The following PTPN1 variants were observed in gnomAD, a reference collection of about 807,000 sequenced individuals.
PTPN1 encodes tyrosine-protein phosphatase non-receptor type 1.
Under a neutral mutation model 59.9 loss-of-function variants are expected in PTPN1, and 12 were observed. That is an observed-to-expected ratio of 0.20 (90% CI 0.13 to 0.32). The LOEUF is 0.32. Among genes scored for constraint, PTPN1 ranks in the 10% least tolerant of loss-of-function variants. PTPN1 has a pLI of 1.00. For synonymous variants in PTPN1, 178 were observed against 203.6 expected (o/e 0.87, Z 1.07); for missense variants, 356 against 549.2 (o/e 0.65, Z 3.52).
chr20:50,535,334 C>G (rs1335294367), intron 1 of PTPN1, among the ~76,000 whole-genome samples: 1 of 152,088 alleles, frequency 6.6e-6, no homozygotes, highest in Non-Finnish European at 1.5e-5. Context: ...GCTCCACATT[C>G]TGTCTTTACT....
Position 50,579,858 on chromosome 20 carries a change from G to A in PTPN1, c.1020G>A (p.Glu340=). 1.2e-6 allele frequency: 2 copies of A among 1,614,174 alleles called. No homozygotes were observed. Among genetic ancestry groups the A allele is most frequent in the Admixed American group, 1.7e-5 (1 of 60,022 alleles). The change falls in exon 8 of 10, where the codon GAG becomes GAA. Residue 340 remains glutamate (E), a synonymous_variant. Coordinates refer to ENST00000371621, the MANE Select transcript of PTPN1 (RefSeq NM_002827.4). ...NHQWVKEETQ[E]DKDCPIKEEK... ...AGTGGGTGAAGGAAGAGACCCAGGA[G>A]GATAAAGACTGCCCCATCAAGGAAG...
Position 50,558,533 on chromosome 20 carries a change from G to T in PTPN1, c.64-2830G>T, listed in dbSNP as rs76543422. Among the ~76,000 whole-genome samples the T allele has an allele frequency of 9.3e-3, 1,412 of 152,108 alleles. 26 individuals carry two copies. Among genetic ancestry groups the T allele is most frequent in the African/African-American group, 0.032 (1,311 of 41,492 alleles). ...CAGGGTTACTGTATTGGACAGAGTG[G>T]TTTCAGTTTCAAGTTTTTCCTTGGA... On this transcript the variant is annotated intron_variant, in intron 1 of 9. Coordinates refer to ENST00000371621, the MANE Select transcript of PTPN1 (RefSeq NM_002827.4).
At chr20:50,518,776 C>T (rs1005675474) in intron 1 of PTPN1, among the ~76,000 whole-genome samples, 1 of 152,104 alleles carries the variant, frequency 6.6e-6, no homozygotes, top group African/African-American at 2.4e-5. Context: ...GGATCATGCT[C>T]CGAGGTGGGG....
chr20:50,534,055 T>C (rs542404097), intron 1 of PTPN1, among the ~76,000 whole-genome samples: 2 of 152,256 alleles, frequency 1.3e-5, no homozygotes, highest in South Asian at 4.1e-4. Context: ...CTCAGCCTCC[T>C]GAGTAGCTGG....
At chr20:50,580,455 C>G (rs1198488376) in intron 8 of PTPN1, among the ~76,000 whole-genome samples, 1 of 152,180 alleles carries the variant, frequency 6.6e-6, no homozygotes, top group Non-Finnish European at 1.5e-5. Flanking sequence ...TCTAGACCAT[C>G]TTGCTGGGAA....
At position 50,582,637 on chromosome 20, in the gene PTPN1, G is replaced by A. The variant is rs935188336; in HGVS notation, c.1285-55G>A. ...GTGTGGCCGGGGTCATGCATGAGGCGACAGCTCTGCAGGTGCGGGTCTGGG... is the reference window on the plus strand; with the variant it reads ...GTGTGGCCGGGGTCATGCATGAGGCAACAGCTCTGCAGGTGCGGGTCTGGG... On this transcript the variant is annotated intron_variant, in intron 9 of 9. Coordinates refer to ENST00000371621, the MANE Select transcript of PTPN1 (RefSeq NM_002827.4). This position sits in a 1 kb window ranked among gnomAD's most constrained non-coding sequence, Gnocchi z 4.2. The A allele has an allele frequency of 1.2e-5, 20 of 1,600,392 alleles. No individual in the cohort carries two copies. Among genetic ancestry groups the A allele is most frequent in the East Asian group, 1.1e-4 (5 of 44,664 alleles).
Position 50,510,664 on chromosome 20 carries a change from C to G in PTPN1, c.63+74C>G. Reference sequence around the variant, plus strand: ...AACATCCCCTCAGACCTCCAGGCCCCAGACTCCCTCTGGGTCTTGCCCTCT... The same window carrying G: ...AACATCCCCTCAGACCTCCAGGCCCGAGACTCCCTCTGGGTCTTGCCCTCT... On this transcript the variant is annotated intron_variant, in intron 1 of 9. Transcript: ENST00000371621. The G allele has an allele frequency of 3.4e-6, 5 of 1,468,130 alleles. No homozygotes were observed. The South Asian group carries it at 6.2e-5, about 18-fold the overall frequency. 90.9% of individuals were successfully genotyped at this position (1,468,130 alleles called of 1,614,324 possible).
rs776089570 is a variant in PTPN1, at chr20:50,579,934, G to T, written c.1088+8G>T. ...ACCCTACGGCATCGAAAGGTAATATGATTGGGTCCCAGCTTGTTGGGGTGA... is the reference window on the plus strand; with the variant it reads ...ACCCTACGGCATCGAAAGGTAATATTATTGGGTCCCAGCTTGTTGGGGTGA... On this transcript the variant is annotated splice_region_variant and intron_variant, in intron 8 of 9. Coordinates refer to ENST00000371621, the MANE Select transcript of PTPN1 (RefSeq NM_002827.4). The T allele has an allele frequency of 4.3e-6, 7 of 1,611,128 alleles. No individual in the cohort carries two copies. In the South Asian group the frequency reaches 7.7e-5, roughly 18 times the overall value.
chr20:50,535,882 C>G (rs1004953814), intron 1 of PTPN1, among the ~76,000 whole-genome samples: 1 of 152,052 alleles, frequency 6.6e-6, no homozygotes, highest in African/African-American at 2.4e-5. Context: ...CCCCCACCCC[C>G]AAATAGAGAG....
intron 1 of PTPN1, among the ~76,000 whole-genome samples, chr20:50,548,820 C>T (rs140780535): frequency 1.1e-4 from 17 of 152,284 alleles, no homozygotes; most frequent in African/African-American, 2.2e-4. Context: ...TGGGTTCATG[C>T]GATTCTCTTG....
In PTPN1 at chr20:50,583,984, T is replaced by A. The variant is rs938018868; in HGVS notation, c.*1269T>A. ...TGAAACAGCCTGGGTGACGGTCCTT[T>A]AGGCAGCCTGCCGCCGTCTCTGTCC... is the stretch of plus-strand genomic sequence containing the variant. On this transcript the variant is annotated 3_prime_UTR_variant, in exon 10 of 10. Coordinates refer to ENST00000371621, the MANE Select transcript of PTPN1 (RefSeq NM_002827.4). 1 of 152,586 alleles carries A rather than the reference T, an allele frequency of 6.6e-6. No homozygotes were observed. The highest frequency in any genetic ancestry group is 2.4e-5 in the African/African-American group (1 of 41,438). The allele number at this position is 152,586 out of a possible 1,614,324, so 9.5% of individuals were successfully genotyped here. A position where few individuals can be genotyped will look rare whatever the true frequency, so the allele number is the denominator to read the frequency against.
chr20:50,555,710 C>G (rs76045889), intron 1 of PTPN1, among the ~76,000 whole-genome samples: 4 of 151,594 alleles, frequency 2.6e-5, no homozygotes, highest in African/African-American at 9.7e-5. Flanking sequence ...CCACGTTTTG[C>G]TTCTTACCTC....
chr20:50,514,229 C>T (rs149314485), intron 1 of PTPN1, among the ~76,000 whole-genome samples: 40 of 152,264 alleles, frequency 2.6e-4, no homozygotes, highest in African/African-American at 7.5e-4. Flanking sequence ...ATGGTAATGC[C>T]GCTGTTTCTT....
At chr20:50,534,882 T>C (rs1474798285) in intron 1 of PTPN1, among the ~76,000 whole-genome samples, 2 of 152,106 alleles carry the variant, frequency 1.3e-5, no homozygotes, top group African/African-American at 4.8e-5. Context: ...CTTGCTACCA[T>C]GCCCAGCTAA....
chr20:50,542,149 G>A (rs1370925612), intron 1 of PTPN1, among the ~76,000 whole-genome samples: 1 of 152,214 alleles, frequency 6.6e-6, no homozygotes, highest in African/African-American at 2.4e-5. Flanking sequence ...TCACTCTGAA[G>A]GTGATCCTTA....
At chr20:50,537,766 G>A (rs1169187932) in intron 1 of PTPN1, among the ~76,000 whole-genome samples, 2 of 152,178 alleles carry the variant, frequency 1.3e-5, no homozygotes, top group Admixed American at 6.6e-5. Context: ...GGTTTAGCCA[G>A]TTTATAGTTA....
At chr20:50,569,388 C>T (rs1601411285) in intron 4 of PTPN1, among the ~76,000 whole-genome samples, 1 of 152,240 alleles carries the variant, frequency 6.6e-6, no homozygotes, top group East Asian at 1.9e-4. Flanking sequence ...ATCCCACTTG[C>T]AGGCACCCCT....
In PTPN1 at chr20:50,518,738, C is replaced by T. The variant is rs77741562; in HGVS notation, c.63+8148C>T. On this transcript the variant is annotated intron_variant, in intron 1 of 9. Coordinates refer to ENST00000371621, the MANE Select transcript of PTPN1 (RefSeq NM_002827.4). ...CTCTTATTGTTCTCTACTACCTGGA[C>T]GCCACCTCCCTGTTGCCATAGTGTT... Among the ~76,000 whole-genome samples the T allele has an allele frequency of 6.8e-3, 1,036 of 152,200 alleles. 9 individuals are homozygous for T. The highest frequency in any genetic ancestry group is 0.024 in the African/African-American group (993 of 41,494).
At chr20:50,551,744 G>A (rs1398851955) in intron 1 of PTPN1, among the ~76,000 whole-genome samples, 5 of 152,178 alleles carry the variant, frequency 3.3e-5, no homozygotes, top group African/African-American at 1.2e-4. Flanking sequence ...TTCTAATTTA[G>A]TGTGATCCAG....
Sources: gnomAD v4.1 joint callset for allele counts (sites outside exome capture counted in the v4.1 genomes callset) on GRCh38, gnomAD v4.1.1 for gene constraint, Gnocchi (gnomAD v3.1) non-coding constraint, MANE v1.5 for transcripts, NCBI Gene and HGNC (gene_info 2026-07-23, HGNC 2026-07-21) for gene names.